The following ARHGEF7 variants were observed in gnomAD, a reference collection of about 807,000 sequenced individuals.
The protein encoded by ARHGEF7 is PAK-interacting exchange factor beta.
ARHGEF7 carries 33 observed loss-of-function variants against 109.8 expected under a neutral mutation model. That is an observed-to-expected ratio of 0.30 (90% CI 0.23 to 0.40). The LOEUF (loss-of-function observed/expected upper bound fraction) is 0.40, where lower values mean the gene tolerates loss of function less well. Among genes scored for constraint, ARHGEF7 ranks in the 10% least tolerant of loss-of-function variants. The pLI is 1.00. For synonymous variants in ARHGEF7, 458 were observed against 424.6 expected, an observed-to-expected ratio of 1.08 and a Z score of -0.97; for missense variants, 938 against 1,098.5, an observed-to-expected ratio of 0.85 and a Z score of 2.07.
In ARHGEF7 at chr13:111,274,775, C is replaced by T; in HGVS notation, c.1257C>T (p.Ala419=). 1.3e-6 allele frequency: 2 copies of T among 1,489,802 alleles called. No homozygotes were observed. The highest frequency in any genetic ancestry group is 5.1e-5 in the East Asian group (2 of 39,204). 92.3% of individuals were successfully genotyped at this position (1,489,802 alleles called of 1,614,324 possible). ...DRQDIQKSMA[A]FKNLSAQCQE... ...AAGATATTCAAAAATCCATGGCTGC[C>T]TTCAAAAACCTTTCAGTAAGTGATT... Residue 419 remains alanine (A), a synonymous_variant, in exon 11 of 22, where the codon GCC becomes GCT. Coordinates refer to ENST00000646102, the MANE Select transcript of ARHGEF7 (RefSeq NM_001354046.2).
intron 2 of ARHGEF7, among the ~76,000 whole-genome samples, chr13:111,162,789 A>G (rs977168645): frequency 1.2e-4 from 19 of 152,372 alleles, no homozygotes; most frequent in South Asian, 6.2e-4. Context: ...ACCCACAAGA[A>G]TAGTTAAAAA....
intron 2 of ARHGEF7, among the ~76,000 whole-genome samples, chr13:111,156,612 G>A (rs1199151947): frequency 6.6e-6 from 1 of 152,266 alleles, no homozygotes; most frequent in African/African-American, 2.4e-5. Context: ...GTAAGGTGAT[G>A]TGAAGGGACA....
intron 1 of ARHGEF7, among the ~76,000 whole-genome samples, chr13:111,142,275 C>T (rs1160418543): frequency 8.2e-6 from 1 of 122,572 alleles, no homozygotes; most frequent in Non-Finnish European, 1.7e-5. Context: ...TCTTCTTGTT[C>T]TCTCAAGGAC....
At chr13:111,153,150 G>A (rs1158772626) in intron 1 of ARHGEF7, among the ~76,000 whole-genome samples, 1 of 152,242 alleles carries the variant, frequency 6.6e-6, no homozygotes, top group Non-Finnish European at 1.5e-5. Context: ...CATTGCATTA[G>A]AATAGTAACT....
chr13:111,214,344 G>A (rs920116440), intron 4 of ARHGEF7, among the ~76,000 whole-genome samples: 76 of 152,364 alleles, frequency 5.0e-4, no homozygotes, highest in African/African-American at 1.8e-3. Context: ...GGCCAAGGGT[G>A]ATCTCGGGCA....
At chr13:111,241,636 A>C (rs966531499) in intron 6 of ARHGEF7, among the ~76,000 whole-genome samples, 2 of 152,228 alleles carry the variant, frequency 1.3e-5, no homozygotes, top group African/African-American at 4.8e-5. Context: ...TTTCATTTCT[A>C]CAACCAGCGC....
chr13:111,281,822 C>T (rs1026519202), intron 15 of ARHGEF7, among the ~76,000 whole-genome samples: 3 of 152,204 alleles, frequency 2.0e-5, no homozygotes, highest in African/African-American at 7.2e-5. Context: ...GGCATCCCTT[C>T]AGCGGGGAAG....
chr13:111,140,520 G>A (rs1410697964), intron 1 of ARHGEF7, among the ~76,000 whole-genome samples: 1 of 152,182 alleles, frequency 6.6e-6, no homozygotes, highest in Non-Finnish European at 1.5e-5. Flanking sequence ...GCTAGTGCGA[G>A]GTCCTGGGGT....
chr13:111,216,736 G>A (rs1164904065), intron 4 of ARHGEF7, among the ~76,000 whole-genome samples: 1 of 152,182 alleles, frequency 6.6e-6, no homozygotes, highest in African/African-American at 2.4e-5. Flanking sequence ...GGGTGGGCCG[G>A]GGCTGAGGTC....
intron 8 of ARHGEF7, among the ~76,000 whole-genome samples, chr13:111,256,188 G>A (rs779676493): frequency 1.3e-5 from 2 of 152,092 alleles, no homozygotes; most frequent in African/African-American, 2.4e-5. Context: ...CGGTAGCTAC[G>A]GCATAAACCA....
intron 8 of ARHGEF7, among the ~76,000 whole-genome samples, chr13:111,254,304 G>A (rs1224467400): frequency 6.6e-6 from 1 of 152,214 alleles, no homozygotes; most frequent in Non-Finnish European, 1.5e-5. Context: ...TTCTATTCTG[G>A]TGACAGTTTT....
rs935375039 is a variant in ARHGEF7 at position 111,303,693 on chromosome 13, C to T, written c.*580C>T. 6.6e-6 allele frequency: 1 copy of T among 152,238 alleles called. No individual in the cohort carries two copies. The highest frequency in any genetic ancestry group is 2.4e-5 in the African/African-American group (1 of 41,440). The allele number at this position is 152,238 out of a possible 1,614,324, so 9.4% of individuals were successfully genotyped here. On this transcript the variant is annotated 3_prime_UTR_variant, in exon 22 of 22. Coordinates refer to ENST00000646102, the MANE Select transcript of ARHGEF7 (RefSeq NM_001354046.2). The stretch of plus-strand genomic sequence containing the variant: ...TATACCTGCAGAGATACACTTCAGT[C>T]CCATTCAGAAGTCTTCTCTTAAAGC...
intron 19 of ARHGEF7, chr13:111,294,100 C>G: frequency 1.0e-6 from 1 of 985,408 alleles, no homozygotes; most frequent in Middle Eastern, 5.2e-4. Flanking sequence ...GAGGAGCAGT[C>G]AGAGCCCAGT....
chr13:111,116,196 G>C (rs965066979), intron 1 of ARHGEF7, among the ~76,000 whole-genome samples: 2 of 152,180 alleles, frequency 1.3e-5, no homozygotes, highest in South Asian at 2.1e-4. Context: ...TGAGGGCTGC[G>C]CTGTGAAACG....
At chr13:111,234,361 C>CT (rs1312753901) in intron 6 of ARHGEF7, among the ~76,000 whole-genome samples, 1 of 152,236 alleles carries the variant, frequency 6.6e-6, no homozygotes, top group Non-Finnish European at 1.5e-5. Context: ...CACCTTCCAT[C>CT]TGCCCCAGCA....
intron 1 of ARHGEF7, chr13:111,122,771 GTATT>G (rs2067279952): frequency 6.6e-6 from 1 of 152,210 alleles, no homozygotes; most frequent in Admixed American, 6.5e-5. Context: ...TGGGTATAAA[GTATT>G]TGTGAGTTCT....
intron 1 of ARHGEF7, among the ~76,000 whole-genome samples, chr13:111,152,058 TTGAA>T (rs935706128): frequency 2.0e-5 from 3 of 152,326 alleles, no homozygotes; most frequent in Middle Eastern, 3.4e-3. Flanking sequence ...TACAGACTCT[TTGAA>T]TGATGATTGA....
rs189738376 is a variant in ARHGEF7 at position 111,131,112 on chromosome 13, G to A, written c.165+15421G>A. Among the ~76,000 whole-genome samples, 35 of 152,334 alleles carry A rather than the reference G, an allele frequency of 2.3e-4. No individual in the cohort carries two copies. Among genetic ancestry groups the A allele is most frequent in the Middle Eastern group, 3.4e-3 (1 of 294 alleles). On this transcript the variant is annotated intron_variant, in intron 1 of 21. Transcript: ENST00000646102. The surrounding 1 kb of genome is among the most constrained non-coding windows in gnomAD (Gnocchi z 4.4). ...TTGAAAACAATACTCTAGCCATAGC[G>A]TGGAGAACAGATGAAATGAGCCCAG...
chr13:111,214,163 G>T (rs1281090455), intron 4 of ARHGEF7, among the ~76,000 whole-genome samples: 1 of 152,232 alleles, frequency 6.6e-6, no homozygotes, highest in Non-Finnish European at 1.5e-5. Flanking sequence ...ATGAAGTAAT[G>T]TCAGTAGGCG....
Sources: gnomAD v4.1 joint callset for allele counts (sites outside exome capture counted in the v4.1 genomes callset) on GRCh38, gnomAD v4.1.1 for gene constraint, Gnocchi (gnomAD v3.1) non-coding constraint, MANE v1.5 for transcripts, NCBI Gene and HGNC (gene_info 2026-07-23, HGNC 2026-07-21) for gene names.